Variants in TTLL1 observed in about 807,000 individuals in gnomAD.
TTLL1 encodes polyglutamylase complex subunit TTLL1.
TTLL1 carries 33 observed loss-of-function variants against 47.8 expected under a neutral mutation model. The observed-to-expected ratio is 0.69, with a 90% CI of 0.52 to 0.92. The LOEUF is 0.92. Among genes scored for constraint, TTLL1 ranks in the 40% least tolerant of loss-of-function variants. TTLL1 has a pLI of 0.00. For synonymous variants in TTLL1, 225 were observed against 214.1 expected (o/e 1.05, Z -0.45); for missense variants, 488 against 547.5 (o/e 0.89, Z 1.08).
At chr22:43,051,966 G>A (rs1926663330) in intron 8 of TTLL1, 79 bp from the exon 9 acceptor site, 1 of 1,405,216 alleles carries the variant, frequency 7.1e-7, no homozygotes, top group Admixed American at 1.7e-5. Context: ...AGACAAGCAG[G>A]ATCGTCCCAC....
At chr22:43,051,233 G>A (rs185104229) in intron 9 of TTLL1, among the ~76,000 whole-genome samples, 219 of 152,360 alleles carry the variant, frequency 1.4e-3, no homozygotes, top group African/African-American at 4.8e-3. Context: ...TGAGAAGCGC[G>A]CCAGCGCCCA....
intron 3 of TTLL1, among the ~76,000 whole-genome samples, chr22:43,072,299 A>G (rs1928182857): frequency 6.6e-6 from 1 of 151,134 alleles, no homozygotes; most frequent in South Asian, 2.1e-4. Flanking sequence ...GACTACCGGC[A>G]CTCGCCACCA....
chr22:43,071,509 G>C (rs948527098), intron 3 of TTLL1, among the ~76,000 whole-genome samples: 1 of 151,992 alleles, frequency 6.6e-6, no homozygotes, highest in African/African-American at 2.4e-5. Context: ...TCGCAGGTTC[G>C]AGCCATTCTC....
chr22:43,085,079 C>T (rs113314952), intron 1 of TTLL1, among the ~76,000 whole-genome samples: 9,461 of 148,972 alleles, frequency 0.064, 1,011 homozygotes, highest in African/African-American at 0.22. Flanking sequence ...GTGATTCAAG[C>T]GATTCTCCTG....
At position 43,065,912 on chromosome 22, in the gene TTLL1, G is replaced by A. The variant is rs2146977350; in HGVS notation, c.504-1588C>T. On this transcript the variant is annotated intron_variant, in intron 5 of 10. Transcript: ENST00000266254. ...AAGCTACTGGAGGCCTGTAATCCCA[G>A]CACTTTGGGAAGCCGAGGCAGGAGG... Among the ~76,000 whole-genome samples the A allele has an allele frequency of 1.3e-5, 2 of 152,138 alleles. 1 individual carries two copies. Among genetic ancestry groups the A allele is most frequent in the South Asian group, 4.1e-4 (2 of 4,820 alleles).
intron 7 of TTLL1, among the ~76,000 whole-genome samples, chr22:43,063,239 C>T (rs1352625622): frequency 6.6e-6 from 1 of 152,140 alleles, no homozygotes; most frequent in Non-Finnish European, 1.5e-5. Flanking sequence ...TTGCCCGAGG[C>T]CACAGAACTA....
chr22:43,045,082 T>G (rs188550965), intron 10 of TTLL1, among the ~76,000 whole-genome samples: 15 of 152,264 alleles, frequency 9.9e-5, no homozygotes, highest in Non-Finnish European at 2.1e-4. Context: ...AGGCTGGTCT[T>G]GAACTCCTGA....
At position 43,089,294 on chromosome 22, in the gene TTLL1, C is replaced by CGAGGGACTCG. The variant is rs1291236734; in HGVS notation, c.-117_-108dup. On this transcript the variant is annotated 5_prime_UTR_variant, in exon 1 of 11. Transcript: ENST00000266254. ...GACCTCACCTGTGGGCTCAGAGCGC[C>CGAGGGACTCG]GAGGGACTCGGAGGAGCGCCCTGCA... The CGAGGGACTCG allele has an allele frequency of 2.6e-5, 4 of 152,220 alleles. No individual in the cohort carries two copies. The highest frequency in any genetic ancestry group is 2.6e-4 in the Admixed American group (4 of 15,270). 9.4% of individuals were successfully genotyped at this position (152,220 alleles called of 1,614,324 possible). A position where few individuals can be genotyped will look rare whatever the true frequency, so the allele number is the denominator to read the frequency against.
At chr22:43,064,462 A>C in intron 5 of TTLL1, 138 bp from the exon 6 acceptor site, 1 of 1,000,444 alleles carries the variant, frequency 1.0e-6, no homozygotes, top group Non-Finnish European at 1.4e-6. Context: ...GCGGTGGCTC[A>C]CGCCTGTAAT....
At chr22:43,064,075 C>T (rs1927568371) in intron 6 of TTLL1, 115 bp downstream of exon 6, 2 of 1,521,334 alleles carry the variant, frequency 1.3e-6, no homozygotes, top group Admixed American at 1.9e-5. Context: ...AATCCCTGCC[C>T]CGTGCCAGGC....
intron 9 of TTLL1, among the ~76,000 whole-genome samples, chr22:43,047,570 G>C: frequency 6.6e-6 from 1 of 152,114 alleles, no homozygotes; most frequent in Non-Finnish European, 1.5e-5. Context: ...CCGGGTTCAA[G>C]CAATTCTCCT....
chr22:43,069,429 C>G (rs1927965899), intron 4 of TTLL1, among the ~76,000 whole-genome samples: 1 of 151,494 alleles, frequency 6.6e-6, no homozygotes, highest in Non-Finnish European at 1.5e-5. Context: ...CAGGCAATTC[C>G]CAAGGCACTC....
At chr22:43,068,634 C>T in intron 4 of TTLL1, 44 bp from the exon 5 acceptor site, 1 of 1,384,474 alleles carries the variant, frequency 7.2e-7, no homozygotes, top group Admixed American at 2.4e-5. Context: ...GCCAGCCCAA[C>T]AGTGGCCATG....
chr22:43,063,320 G>A (rs1327032779), intron 7 of TTLL1, among the ~76,000 whole-genome samples: 1 of 152,134 alleles, frequency 6.6e-6, no homozygotes, highest in Non-Finnish European at 1.5e-5. Context: ...TTCAGCTGAT[G>A]TGTCCTAGGC....
chr22:43,084,208 T>TG lies in TTLL1; in HGVS notation c.-89-4223dup, dbSNP rs1487012922. ...CTCTACTGCCCAGGCTGGAGTGCAG[T>TG]GGTGCAATCTTGGCTCACTGCAACC... On this transcript the variant is annotated intron_variant, in intron 1 of 10. Transcript: ENST00000266254. Among the ~76,000 whole-genome samples, 3 of 152,250 alleles carry TG rather than the reference T, an allele frequency of 2.0e-5. No individual in the cohort carries two copies. In the East Asian group the frequency reaches 5.8e-4, roughly 29 times the overall value.
Position 43,068,715 on chromosome 22 carries a change from A to G in TTLL1, c.323-125T>C, listed in dbSNP as rs1927912250. On this transcript the variant is annotated intron_variant, in intron 4 of 10. Coordinates refer to ENST00000266254, the MANE Select transcript of TTLL1 (RefSeq NM_012263.5). Reference sequence around the variant, plus strand: ...TGTCCCCCACCGCAACCCAGCAGCTAACAGAACAAGGGCCTCTGCTGCACA... The same window carrying G: ...TGTCCCCCACCGCAACCCAGCAGCTGACAGAACAAGGGCCTCTGCTGCACA... The G allele has an allele frequency of 3.6e-6, 3 of 826,082 alleles. No individual in the cohort carries two copies. The South Asian group carries it at 1.1e-4, about 31-fold the overall frequency. 51.2% of individuals were successfully genotyped at this position (826,082 alleles called of 1,614,324 possible). A position where few individuals can be genotyped will look rare whatever the true frequency, so the allele number is the denominator to read the frequency against.
At chr22:43,067,625 A>T (rs1927824681) in intron 5 of TTLL1, among the ~76,000 whole-genome samples, 1 of 152,146 alleles carries the variant, frequency 6.6e-6, no homozygotes, top group African/African-American at 2.4e-5. Context: ...GCCACGTGAC[A>T]GATGACGCAC....
intron 7 of TTLL1, among the ~76,000 whole-genome samples, chr22:43,061,578 T>A (rs1927389055): frequency 6.6e-6 from 1 of 152,232 alleles, no homozygotes; most frequent in Non-Finnish European, 1.5e-5. Context: ...CCAAAGAAGA[T>A]TCAAATCAAA....
intron 1 of TTLL1, among the ~76,000 whole-genome samples, chr22:43,087,184 A>T (rs1043001938): frequency 2.0e-5 from 3 of 152,102 alleles, no homozygotes; most frequent in African/African-American, 4.8e-5. Context: ...TATTTTCTCC[A>T]TGGCACTTGG....
Sources: gnomAD v4.1 joint callset for allele counts (sites outside exome capture counted in the v4.1 genomes callset) on GRCh38, gnomAD v4.1.1 for gene constraint, MANE v1.5 for transcripts, NCBI Gene and HGNC (gene_info 2026-07-23, HGNC 2026-07-21) for gene names.